MTURN: variants seen among roughly 807,000 people sequenced by gnomAD.
MTURN encodes the protein maturin, neural progenitor differentiation regulator homolog.
MTURN carries 7 observed loss-of-function variants against 14.9 expected under a neutral mutation model. The observed-to-expected ratio is 0.47, with a 90% CI of 0.27 to 0.88. The LOEUF (loss-of-function observed/expected upper bound fraction) is 0.88, where lower values mean the gene tolerates loss of function less well. Ranked by LOEUF, MTURN falls within the 40% of genes least tolerant of loss-of-function variation. The pLI, the probability that MTURN is intolerant of heterozygous loss-of-function variation, is 0.14. For synonymous variants in MTURN, 69 were observed against 72.5 expected (o/e 0.95, Z 0.25); for missense variants, 151 against 174.1 (o/e 0.87, Z 0.75).
intron 1 of MTURN, among the ~76,000 whole-genome samples, chr7:30,143,570 A>C (rs1430774871): frequency 6.6e-6 from 1 of 152,112 alleles, no homozygotes; most frequent in African/African-American, 2.4e-5. Context: ...TCCAAACCCC[A>C]TGCCACTCTA....
chr7:30,137,722 T>TA (rs1196697149), intron 1 of MTURN: 2 of 470,654 alleles, frequency 4.2e-6, no homozygotes, highest in Admixed American at 2.4e-5. Context: ...TTGCCTCTAA[T>TA]AAGTGTCCTG....
chr7:30,147,214 C>T (rs1797142660), intron 2 of MTURN, among the ~76,000 whole-genome samples: 1 of 152,090 alleles, frequency 6.6e-6, no homozygotes, highest in African/African-American at 2.4e-5. Flanking sequence ...GTTCTCAAAC[C>T]TGGTATCTTG....
At chr7:30,142,478 G>C (rs1201007255) in intron 1 of MTURN, among the ~76,000 whole-genome samples, 8 of 152,166 alleles carry the variant, frequency 5.3e-5, no homozygotes, top group Admixed American at 5.2e-4. Flanking sequence ...CCAAAGTTCT[G>C]CTGTGCCCAT....
chr7:30,135,964 A>AC (rs763648303), intron 1 of MTURN, among the ~76,000 whole-genome samples: 7 of 147,480 alleles, frequency 4.7e-5, no homozygotes, highest in South Asian at 2.1e-4. Context: ...CTGCGCATAC[A>AC]CCCCAACACA....
chr7:30,138,176 C>T (rs182488950), intron 1 of MTURN, among the ~76,000 whole-genome samples: 8 of 152,090 alleles, frequency 5.3e-5, no homozygotes, highest in East Asian at 1.9e-4. Flanking sequence ...AGTGTAGTGG[C>T]GTAATCTTGG....
chr7:30,137,576 G>A, intron 1 of MTURN: 1 of 471,056 alleles, frequency 2.1e-6, no homozygotes, highest in South Asian at 1.5e-5. Context: ...GAGGATGGGG[G>A]TGGGCAGATG....
In MTURN at chr7:30,162,000, T is replaced by A. The variant is rs1797381242; in HGVS notation, c.*4452T>A. 1 of 151,512 alleles carries A rather than the reference T, an allele frequency of 6.6e-6. No individual in the cohort carries two copies. 9.4% of individuals were successfully genotyped at this position (151,512 alleles called of 1,614,324 possible). A position where few individuals can be genotyped will look rare whatever the true frequency, so the allele number is the denominator to read the frequency against. On this transcript the variant is annotated 3_prime_UTR_variant, in exon 3 of 3. Transcript: ENST00000324453. ...GGCAAATATAAAAGACAACATATTA[T>A]TTAACATAATATGTTGTCTTTTATA...
At chr7:30,140,417 A>ATATATATATATATATATATATC (rs1163371256) in intron 1 of MTURN, among the ~76,000 whole-genome samples, 1 of 17,120 alleles carries the variant, frequency 5.8e-5, no homozygotes, top group African/African-American at 9.9e-5. Flanking sequence ...GTGTGTGTGT[A>ATATATATATATATATATATATC]TCCCCATTTG....
intron 2 of MTURN, among the ~76,000 whole-genome samples, chr7:30,154,784 T>C (rs187492674): frequency 8.5e-5 from 13 of 152,248 alleles, no homozygotes; most frequent in Admixed American, 2.0e-4. Context: ...CTCTCCCCTT[T>C]CCAGAAGGGC....
intron 1 of MTURN, among the ~76,000 whole-genome samples, chr7:30,139,724 C>T (rs1797019536): frequency 6.6e-6 from 1 of 152,086 alleles, no homozygotes; most frequent in Non-Finnish European, 1.5e-5. Context: ...GTTTAGTAAA[C>T]AGGACGCCTG....
At chr7:30,148,829 G>C (rs1479223339) in intron 2 of MTURN, among the ~76,000 whole-genome samples, 1 of 152,206 alleles carries the variant, frequency 6.6e-6, no homozygotes, top group Non-Finnish European at 1.5e-5. Flanking sequence ...GGACATGTCA[G>C]TGTTTTAAAT....
rs1343422971 is a variant in MTURN at position 30,161,900 on chromosome 7, G to T, written c.*4352G>T. On this transcript the variant is annotated 3_prime_UTR_variant, in exon 3 of 3. Coordinates refer to ENST00000324453, the MANE Select transcript of MTURN (RefSeq NM_152793.3). ...TTTATAGAGAGTAATTCTGAAACCT[G>T]CCAGAATGCTGGTAGCCTGTGGTGT... 1.3e-5 allele frequency: 2 copies of T among 152,260 alleles called. No homozygotes were observed. Among genetic ancestry groups the T allele is most frequent in the African/African-American group, 4.8e-5 (2 of 41,558 alleles). 9.4% of individuals were successfully genotyped at this position (152,260 alleles called of 1,614,324 possible).
At chr7:30,148,784 G>A (rs1404493379) in intron 2 of MTURN, among the ~76,000 whole-genome samples, 2 of 151,504 alleles carry the variant, frequency 1.3e-5, no homozygotes, top group South Asian at 2.1e-4. Context: ...CGGGTGGTGG[G>A]GAGTTTGGGG....
intron 1 of MTURN, among the ~76,000 whole-genome samples, chr7:30,138,225 T>C (rs1017993437): frequency 2.6e-5 from 4 of 152,296 alleles, no homozygotes; most frequent in Admixed American, 2.6e-4. Context: ...AAGTGATTCT[T>C]GTGCGTCAGC....
At chr7:30,146,036 C>T in intron 1 of MTURN, 141 bp from the exon 2 acceptor site, 1 of 1,579,796 alleles carries the variant, frequency 6.3e-7, no homozygotes, top group Non-Finnish European at 8.6e-7. Context: ...ATCAAGAACG[C>T]ATGTATGAAT....
intron 1 of MTURN, 35 bp from the exon 2 acceptor site, chr7:30,146,142 T>A (rs1232622574): frequency 6.2e-7 from 1 of 1,613,170 alleles, no homozygotes; most frequent in East Asian, 2.2e-5. Flanking sequence ...ACTGTGTGTC[T>A]TTGTTTTCTC....
At position 30,159,831 on chromosome 7, in the gene MTURN, C is replaced by CT. The variant is rs1797343439; in HGVS notation, c.*2284dup. The CT allele has an allele frequency of 6.5e-6, 1 of 152,708 alleles. No individual in the cohort carries two copies. Among genetic ancestry groups the CT allele is most frequent in the Non-Finnish European group, 1.5e-5 (1 of 68,064 alleles). 9.5% of individuals were successfully genotyped at this position (152,708 alleles called of 1,614,324 possible). A position where few individuals can be genotyped will look rare whatever the true frequency, so the allele number is the denominator to read the frequency against. The stretch of plus-strand genomic sequence containing the variant: ...GCCCACACACTCACTTCTTCCTGCG[C>CT]TGTGGCTGCTCTAAGCAGGGCTGTG... On this transcript the variant is annotated 3_prime_UTR_variant, in exon 3 of 3. Coordinates refer to ENST00000324453, the MANE Select transcript of MTURN (RefSeq NM_152793.3).
At chr7:30,143,932 A>G (rs1797091497) in intron 1 of MTURN, among the ~76,000 whole-genome samples, 1 of 152,236 alleles carries the variant, frequency 6.6e-6, no homozygotes, top group South Asian at 2.1e-4. Context: ...TTACTTTTTA[A>G]CAAAGTAGGT....
intron 2 of MTURN, among the ~76,000 whole-genome samples, chr7:30,156,322 T>C (rs1797287178): frequency 1.3e-5 from 2 of 152,012 alleles, no homozygotes; most frequent in Admixed American, 1.3e-4. Context: ...ACCTTAAAAT[T>C]GGGGTGTATT....
Sources: gnomAD v4.1 joint callset for allele counts (sites outside exome capture counted in the v4.1 genomes callset) on GRCh38, gnomAD v4.1.1 for gene constraint, MANE v1.5 for transcripts, NCBI Gene and HGNC (gene_info 2026-07-23, HGNC 2026-07-21) for gene names.